Variants in ST7 observed in about 807,000 individuals in gnomAD.
The protein encoded by ST7 is suppressor of tumorigenicity 7 protein.
Under a neutral mutation model 78.7 loss-of-function variants are expected in ST7, and 28 were observed. The ratio of observed to expected loss-of-function variants is 0.36; its 90% CI spans 0.26 to 0.49. The LOEUF (loss-of-function observed/expected upper bound fraction) is 0.49. Ranked by LOEUF, ST7 falls within the 20% of genes least tolerant of loss-of-function variation. The pLI is 0.99. For synonymous variants in ST7, 247 were observed against 249.6 expected (o/e 0.99, Z 0.10); for missense variants, 418 against 696.0 (o/e 0.60, Z 4.49).
intron 10 of ST7, among the ~76,000 whole-genome samples, chr7:117,178,991 A>G (rs1239271191): frequency 6.6e-6 from 1 of 152,010 alleles, no homozygotes; most frequent in Non-Finnish European, 1.5e-5. Context: ...TGTTTTTTCT[A>G]CTTTTCTTCA....
At chr7:117,187,056 C>G (rs1449967662) in intron 10 of ST7, among the ~76,000 whole-genome samples, 1 of 152,164 alleles carries the variant, frequency 6.6e-6, no homozygotes, top group Non-Finnish European at 1.5e-5. Flanking sequence ...CAACAAGATG[C>G]TCTATGTGAA....
chr7:117,199,374 G>C (rs944989626), intron 12 of ST7, among the ~76,000 whole-genome samples: 2 of 152,140 alleles, frequency 1.3e-5, no homozygotes, highest in Admixed American at 1.3e-4. Flanking sequence ...CATTATCAGA[G>C]TTGGTAAGGC....
intron 1 of ST7, among the ~76,000 whole-genome samples, chr7:116,961,873 C>T (rs1444768696): frequency 1.3e-5 from 2 of 151,562 alleles, no homozygotes; most frequent in South Asian, 4.2e-4. Flanking sequence ...CCTATCAACC[C>T]GTCATCTAGG....
intron 9 of ST7, among the ~76,000 whole-genome samples, chr7:117,140,833 A>G (rs1805225043): frequency 6.6e-6 from 1 of 152,164 alleles, no homozygotes; most frequent in Admixed American, 6.6e-5. Context: ...ACTCTCAGAC[A>G]TGGTAGAGAT....
At chr7:117,036,161 C>G (rs1311996595) in intron 1 of ST7, among the ~76,000 whole-genome samples, 2 of 152,126 alleles carry the variant, frequency 1.3e-5, no homozygotes, top group Non-Finnish European at 2.9e-5. Context: ...AAGCTTACTC[C>G]GCATATTAAG....
intron 9 of ST7, among the ~76,000 whole-genome samples, chr7:117,142,730 G>A (rs984620728): frequency 6.6e-6 from 1 of 152,124 alleles, no homozygotes; most frequent in Non-Finnish European, 1.5e-5. Flanking sequence ...TCCTGCCTCA[G>A]CCTCCCGAGT....
At chr7:117,008,877 C>G (rs1795263608) in intron 1 of ST7, among the ~76,000 whole-genome samples, 1 of 151,456 alleles carries the variant, frequency 6.6e-6, no homozygotes, top group Admixed American at 6.6e-5. Context: ...TATAAGCTAA[C>G]TTTTTTTTTA....
At chr7:116,967,396 G>T in intron 1 of ST7, 1 of 471,224 alleles carries the variant, frequency 2.1e-6, no homozygotes, top group Middle Eastern at 3.3e-4. Context: ...CCCTCTCCCT[G>T]CCTTACCAGT....
chr7:117,197,882 G>C (rs1810470775), intron 12 of ST7, among the ~76,000 whole-genome samples: 1 of 152,090 alleles, frequency 6.6e-6, no homozygotes, highest in Non-Finnish European at 1.5e-5. Flanking sequence ...CTAGGAGTTT[G>C]AGACCAGCCT....
At chr7:117,106,792 T>C (rs1365725109) in intron 2 of ST7, among the ~76,000 whole-genome samples, 2 of 151,912 alleles carry the variant, frequency 1.3e-5, no homozygotes, top group African/African-American at 2.4e-5. Context: ...GGCTAATTTT[T>C]TGTATTTTTA....
chr7:117,044,356 A>G (rs560753891), intron 1 of ST7, among the ~76,000 whole-genome samples: 2 of 152,268 alleles, frequency 1.3e-5, no homozygotes, highest in East Asian at 1.9e-4. Context: ...TGCTTTGTAT[A>G]TTCATGTAGA....
At chr7:117,105,798 A>G (rs1407349459) in intron 2 of ST7, among the ~76,000 whole-genome samples, 1 of 152,210 alleles carries the variant, frequency 6.6e-6, no homozygotes, top group Non-Finnish European at 1.5e-5. Flanking sequence ...TATTACATGA[A>G]GGTATCAAAT....
intron 9 of ST7, among the ~76,000 whole-genome samples, chr7:117,142,811 C>T (rs187557100): frequency 1.9e-3 from 285 of 152,216 alleles, no homozygotes; most frequent in African/African-American, 6.6e-3. Flanking sequence ...GGGGTTTCAC[C>T]GTGTTGGCCA....
chr7:117,160,245 A>G (rs1177854615), intron 9 of ST7, among the ~76,000 whole-genome samples: 2 of 149,846 alleles, frequency 1.3e-5, no homozygotes, highest in African/African-American at 5.0e-5. Context: ...AAAAAAAAAA[A>G]AGAAAGAAAG....
chr7:117,150,106 C>G (rs765143811), intron 9 of ST7, among the ~76,000 whole-genome samples: 7 of 152,278 alleles, frequency 4.6e-5, no homozygotes, highest in African/African-American at 1.2e-4. Flanking sequence ...AGGCCTCGCT[C>G]AGTCCCTCAC....
chr7:117,128,555 G>C (rs1804065875), intron 3 of ST7, among the ~76,000 whole-genome samples: 1 of 151,800 alleles, frequency 6.6e-6, no homozygotes. Context: ...GTGGGATCCT[G>C]CCCTAATTTA....
intron 1 of ST7, among the ~76,000 whole-genome samples, chr7:116,986,126 C>T (rs1307820864): frequency 6.6e-6 from 1 of 152,264 alleles, no homozygotes; most frequent in Non-Finnish European, 1.5e-5. Flanking sequence ...AGCCACCACG[C>T]CCAGCGTGAT....
At chr7:117,052,758 G>A (rs1371232464) in intron 1 of ST7, among the ~76,000 whole-genome samples, 1 of 152,238 alleles carries the variant, frequency 6.6e-6, no homozygotes, top group Non-Finnish European at 1.5e-5. Context: ...GCTGGGCGTG[G>A]TGGCGGGCGT....
intron 1 of ST7, among the ~76,000 whole-genome samples, chr7:117,065,108 C>T (rs1048837170): frequency 6.6e-6 from 1 of 151,382 alleles, no homozygotes; most frequent in Non-Finnish European, 1.5e-5. Flanking sequence ...TCTAACTATA[C>T]TGATAAAGAA....
Sources: gnomAD v4.1 joint callset for allele counts (sites outside exome capture counted in the v4.1 genomes callset) on GRCh38, gnomAD v4.1.1 for gene constraint, MANE v1.5 for transcripts, NCBI Gene and HGNC (gene_info 2026-07-23, HGNC 2026-07-21) for gene names.